Variants in ZNF415 observed in about 807,000 individuals in gnomAD.
The protein encoded by ZNF415 is zinc finger protein 415.
A neutral mutation model predicts 7.3 loss-of-function variants in ZNF415; 5 were observed. The ratio of observed to expected loss-of-function variants is 0.69; its 90% CI spans 0.36 to 1.44. The LOEUF (loss-of-function observed/expected upper bound fraction) is 1.44. ZNF415 is among the 40% of genes most tolerant of loss of function. The pLI is 0.04. For synonymous variants in ZNF415, 207 were observed against 226.3 expected, an observed-to-expected ratio of 0.91 and a Z score of 0.77; for missense variants, 628 against 664.8, an observed-to-expected ratio of 0.94 and a Z score of 0.61.
At chr19:53,123,295 C>A (rs527442164) in intron 1 of ZNF415, among the ~76,000 whole-genome samples, 4 of 152,128 alleles carry the variant, frequency 2.6e-5, no homozygotes, top group Non-Finnish European at 4.4e-5. Flanking sequence ...CACCTTCTGA[C>A]TCTATTCTCC....
intron 1 of ZNF415, among the ~76,000 whole-genome samples, chr19:53,127,697 T>G (rs1396437480): frequency 6.6e-6 from 1 of 151,826 alleles, no homozygotes; most frequent in Non-Finnish European, 1.5e-5. Context: ...GCCAACATGG[T>G]GAAACCCCGT....
At chr19:53,117,622 A>G (rs1457825621) in intron 2 of ZNF415, among the ~76,000 whole-genome samples, 1 of 152,158 alleles carries the variant, frequency 6.6e-6, no homozygotes, top group African/African-American at 2.4e-5. Flanking sequence ...AGCCAAGGAT[A>G]CTATACTCAG....
chr19:53,131,450 A>G (rs2090064279), intron 1 of ZNF415, among the ~76,000 whole-genome samples: 1 of 152,188 alleles, frequency 6.6e-6, no homozygotes, highest in African/African-American at 2.4e-5. Flanking sequence ...TTAAACTTAT[A>G]AAGACAGAAA....
chr19:53,115,943 A>T, intron 3 of ZNF415: 3 of 732,426 alleles, frequency 4.1e-6, no homozygotes, highest in Non-Finnish European at 6.8e-6. Flanking sequence ...ATATTTCACA[A>T]ATTATTTCAC....
chr19:53,113,703 T>C (rs1031450965), intron 3 of ZNF415, among the ~76,000 whole-genome samples: 22 of 152,014 alleles, frequency 1.4e-4, no homozygotes, highest in African/African-American at 4.4e-4. Flanking sequence ...GCACACAGGA[T>C]GGAAAATGAA....
chr19:53,122,248 A>C (rs1336738233), intron 2 of ZNF415, among the ~76,000 whole-genome samples: 2 of 152,118 alleles, frequency 1.3e-5, no homozygotes, highest in Non-Finnish European at 2.9e-5. Flanking sequence ...CTCCATCTCA[A>C]AAACAAACAA....
intron 2 of ZNF415, among the ~76,000 whole-genome samples, chr19:53,120,239 A>G (rs1401295903): frequency 6.6e-6 from 1 of 152,234 alleles, no homozygotes; most frequent in African/African-American, 2.4e-5. Context: ...TACACATTCT[A>G]TGACACACGT....
chr19:53,117,381 C>T (rs548441416), intron 2 of ZNF415, among the ~76,000 whole-genome samples: 7 of 150,734 alleles, frequency 4.6e-5, no homozygotes, highest in East Asian at 2.0e-4. Context: ...GTGGAGGTTG[C>T]GGTGAGCCGA....
Position 53,108,237 on chromosome 19 carries a change from G to T in ZNF415, c.*140C>A. The T allele has an allele frequency of 1.2e-6, 1 of 800,572 alleles. No homozygotes were observed. Among genetic ancestry groups the T allele is most frequent in the Non-Finnish European group, 1.9e-6 (1 of 522,160 alleles). 49.6% of individuals were successfully genotyped at this position (800,572 alleles called of 1,614,324 possible). A position where few individuals can be genotyped will look rare whatever the true frequency, so the allele number is the denominator to read the frequency against. On this transcript the variant is annotated 3_prime_UTR_variant, in exon 4 of 4. Transcript: ENST00000243643. ...GCTGTACTCGTAAGGATTCTCTCAA[G>T]AATGAAATTCTCTGATGCTGTGTAG...
intron 3 of ZNF415, chr19:53,115,828 T>G: frequency 6.5e-7 from 1 of 1,534,240 alleles, no homozygotes; most frequent in Non-Finnish European, 8.8e-7. Context: ...AGGAAGAGAA[T>G]TTCCCGCTTA....
At chr19:53,116,972 G>C (rs75437560) in intron 2 of ZNF415, among the ~76,000 whole-genome samples, 1,985 of 152,178 alleles carry the variant, frequency 0.013, 46 homozygotes, top group African/African-American at 0.045. Flanking sequence ...CCAGAAGGTG[G>C]AGAGAAAATC....
chr19:53,117,981 A>G (rs1382089055), intron 2 of ZNF415, among the ~76,000 whole-genome samples: 2 of 152,196 alleles, frequency 1.3e-5, no homozygotes, highest in Non-Finnish European at 2.9e-5. Flanking sequence ...CTTTATGTAA[A>G]TGGATTAAAC....
chr19:53,110,757 C>T (rs572832577), intron 3 of ZNF415, among the ~76,000 whole-genome samples: 10 of 152,198 alleles, frequency 6.6e-5, no homozygotes, highest in Non-Finnish European at 1.5e-4. Context: ...GTTAAGATCT[C>T]TGACATTTGA....
chr19:53,113,125 G>A (rs190303145), intron 3 of ZNF415, among the ~76,000 whole-genome samples: 67 of 148,784 alleles, frequency 4.5e-4, no homozygotes, highest in African/African-American at 1.6e-3. Context: ...CAGAATTTAC[G>A]ACTAAATGAA....
chr19:53,116,376 A>G lies in ZNF415; in HGVS notation c.73T>C (p.Ser25Pro). The change falls in exon 3 of 4, where the codon TCT becomes CCT. Residue 25 changes from serine to proline, a missense_variant. Coordinates refer to ENST00000243643, the MANE Select transcript of ZNF415 (RefSeq NM_018355.4). ...TCCCTGTATAAAGTCCTCTGTGTAG[A>G]GTTCAGGCATTTCCACTCATCTTGA... is the stretch of plus-strand genomic sequence containing the variant. ...FSQDEWKCLN[S>P]TQRTLYRDVM... 2 of 1,614,048 alleles carry G rather than the reference A, an allele frequency of 1.2e-6. No homozygotes were observed. Among genetic ancestry groups the G allele is most frequent in the Non-Finnish European group, 1.7e-6 (2 of 1,179,994 alleles).
At position 53,109,807 on chromosome 19, in the gene ZNF415, C is replaced by G. The variant is rs745425096; in HGVS notation, c.238G>C (p.Asp80His). 7 of 1,613,952 alleles carry G rather than the reference C, an allele frequency of 4.3e-6. No individual in the cohort carries two copies. The East Asian group carries it at 1.6e-4, about 36-fold the overall frequency. Residue 80 changes from aspartate to histidine, a missense_variant, in exon 4 of 4, where the codon GAC becomes CAC. Coordinates refer to ENST00000243643, the MANE Select transcript of ZNF415 (RefSeq NM_018355.4). ...TCCCTGAAGCAAAACTCTTCAATGT[C>G]ATGTTTTTCATGTTGTTCCAATGTC... is the stretch of plus-strand genomic sequence containing the variant. ...TVTLEQHEKHDIEEFCFREIK... is the reference protein window; with the variant it reads ...TVTLEQHEKHHIEEFCFREIK...
chr19:53,125,999 T>C (rs1055544885), intron 1 of ZNF415, among the ~76,000 whole-genome samples: 1 of 145,526 alleles, frequency 6.9e-6, no homozygotes, highest in African/African-American at 2.5e-5. Flanking sequence ...TGTTTTACCA[T>C]TATTATTCCT....
rs753379230 is a variant in ZNF415 at position 53,108,522 on chromosome 19, C to T, written c.1523G>A (p.Arg508His). Residue 508 changes from arginine to histidine, a missense_variant, in exon 4 of 4, where the codon CGC (arginine) becomes CAC (histidine). Arg to His is a conservative substitution (Grantham distance 29). Transcript: ENST00000243643. ...TATCTGATGTCTAGTGAGGTTTGGG[C>T]GCACACTAAAGGATTTGCCACACTC... ...CNECGKSFSVRPNLTRHQIIH... is the reference protein window; with the variant it reads ...CNECGKSFSVHPNLTRHQIIH... The T allele has an allele frequency of 1.3e-5, 21 of 1,613,884 alleles. No individual in the cohort carries two copies. In the East Asian group the frequency reaches 2.0e-4, roughly 15 times the overall value.
rs554639518 is a variant in ZNF415, at chr19:53,132,136, T to C, written c.-68+720A>G. 8.5e-5 allele frequency among the ~76,000 whole-genome samples: 13 copies of C among 152,354 alleles called. No homozygotes were observed. In the East Asian group the frequency reaches 2.5e-3, roughly 29 times the overall value. On this transcript the variant is annotated intron_variant, in intron 1 of 3. Coordinates refer to ENST00000243643, the MANE Select transcript of ZNF415 (RefSeq NM_018355.4). ...TCTCGGCTTCTTCTTCCACTCTTAC[T>C]GTCTCTGAAAATCTCTAACCATCCT...
Sources: allele counts gnomAD v4.1 joint callset (sites outside exome capture counted in the v4.1 genomes callset), GRCh38; gene constraint gnomAD v4.1.1; transcripts MANE v1.5; gene names NCBI Gene and HGNC (gene_info 2026-07-23, HGNC 2026-07-21).